The following GSR variants were observed in gnomAD, a reference collection of about 807,000 sequenced individuals.
GSR encodes glutathione-disulfide reductase, also known as glutathione reductase, mitochondrial.
A neutral mutation model predicts 56.5 loss-of-function variants in GSR; 48 were observed. The ratio of observed to expected loss-of-function variants is 0.85; its 90% CI spans 0.67 to 1.08. The LOEUF (loss-of-function observed/expected upper bound fraction) is 1.08, where lower values mean the gene tolerates loss of function less well. Among genes scored for constraint, GSR ranks in the 50% least tolerant of loss-of-function variants. The probability of loss-of-function intolerance (pLI) is 0.00; values close to 1 mark genes in which losing one functional copy is unlikely to be tolerated. For synonymous variants in GSR, 264 were observed against 270.8 expected (o/e 0.97, Z 0.25); for missense variants, 694 against 703.3 (o/e 0.99, Z 0.15).
At chr8:30,692,855 A>G (rs1803434300) in intron 8 of GSR, 114 bp downstream of exon 8, 1 of 757,904 alleles carries the variant, frequency 1.3e-6, no homozygotes, top group African/African-American at 1.7e-5. Flanking sequence ...TAGAGGTGGA[A>G]TATATGGACC....
At chr8:30,689,405 AT>A in intron 8 of GSR, 86 bp from the exon 9 acceptor site, 1 of 1,090,208 alleles carries the variant, frequency 9.2e-7, no homozygotes, top group Non-Finnish European at 1.4e-6. Context: ...GGAAACTAGA[AT>A]TTTTAACATT....
intron 4 of GSR, chr8:30,707,141 C>G (rs990800526): frequency 1.3e-5 from 2 of 152,160 alleles, no homozygotes; most frequent in Non-Finnish European, 2.9e-5. Flanking sequence ...AAAAAACAAA[C>G]AAACACACAA....
chr8:30,706,174 CAA>C (rs78497840), intron 4 of GSR, among the ~76,000 whole-genome samples: 22 of 103,998 alleles, frequency 2.1e-4, no homozygotes, highest in African/African-American at 2.5e-4. Context: ...AGACCCTTTT[CAA>C]AAAAAAAAAA....
At position 30,689,223 on chromosome 8, in the gene GSR, C is replaced by T; in HGVS notation, c.979G>A (p.Asp327Asn). Residue 327 changes from aspartate to asparagine, a missense_variant, in exon 9 of 13, where the codon GAC becomes AAC. By Grantham distance (23) the Asp-to-Asn change is conservative. Coordinates refer to ENST00000221130, the MANE Select transcript of GSR (RefSeq NM_000637.5). ...CGCCCAATGGCCCAGAGCAGGCAGTCAACATCTGGAATCATGGTCATGACT... is the reference window on the plus strand; with the variant it reads ...CGCCCAATGGCCCAGAGCAGGCAGTTAACATCTGGAATCATGGTCATGACT... Reference protein sequence around the residue: ...LPVMTMIPDVDCLLWAIGRVP... With the variant: ...LPVMTMIPDVNCLLWAIGRVP... The T allele has an allele frequency of 2.5e-6, 4 of 1,613,998 alleles. No individual in the cohort carries two copies. The highest frequency in any genetic ancestry group is 3.4e-6 in the Non-Finnish European group (4 of 1,179,902).
At chr8:30,714,202 CTTTTTTTTTTTTT>C (rs33969608) in intron 1 of GSR, among the ~76,000 whole-genome samples, 1 of 63,960 alleles carries the variant, frequency 1.6e-5, no homozygotes, top group Non-Finnish European at 2.7e-5. Flanking sequence ...GTTCTATATG[CTTTTTTTTTTTTT>C]TTTTTTTTTT....
In GSR at chr8:30,679,625, C is replaced by T; in HGVS notation, c.1464G>A (p.Leu488=). ...HMQGLGCDEM[L]QGFAVAVKMG... ...TCTTCACTGCAACAGCAAAACCCTGCAGCATTTCATCACACCCAAGTCCCT... is the reference window on the plus strand; with the variant it reads ...TCTTCACTGCAACAGCAAAACCCTGTAGCATTTCATCACACCCAAGTCCCT... The change falls in exon 13 of 13, where the codon CTG becomes CTA. Residue 488 remains leucine (L), a synonymous_variant. Coordinates refer to ENST00000221130, the MANE Select transcript of GSR (RefSeq NM_000637.5). 6.2e-7 allele frequency: 1 copy of T among 1,613,798 alleles called. No homozygotes were observed.
chr8:30,681,672 T>A (rs1478999638), intron 11 of GSR, among the ~76,000 whole-genome samples: 1 of 152,104 alleles, frequency 6.6e-6, no homozygotes, highest in East Asian at 1.9e-4. Flanking sequence ...TTTAGAGCTT[T>A]TCTTTAAATT....
rs769723357 is a variant in GSR at position 30,679,294 on chromosome 8, A to G, written c.*226T>C. On this transcript the variant is annotated 3_prime_UTR_variant, in exon 13 of 13. Coordinates refer to ENST00000221130, the MANE Select transcript of GSR (RefSeq NM_000637.5). ...CTGTTAATAAAAAAAAAACTTGAAA[A>G]TATTAATTACTGTGAGATGTGATCA... is the stretch of plus-strand genomic sequence containing the variant. 2.1e-5 allele frequency: 12 copies of G among 566,550 alleles called. No homozygotes were observed. The highest frequency in any genetic ancestry group is 3.4e-5 in the Non-Finnish European group (11 of 321,794). The allele number at this position is 566,550 out of a possible 1,614,324, so 35.1% of individuals were successfully genotyped here. A position where few individuals can be genotyped will look rare whatever the true frequency, so the allele number is the denominator to read the frequency against.
intron 11 of GSR, 29 bp from the exon 12 acceptor site, chr8:30,681,066 T>A (rs1376820759): frequency 1.9e-6 from 3 of 1,579,114 alleles, no homozygotes; most frequent in Non-Finnish European, 2.6e-6. Context: ...AAAGCATCTA[T>A]CAGAAAACTA....
intron 6 of GSR, 94 bp from the exon 7 acceptor site, chr8:30,696,573 T>C: frequency 1.2e-6 from 1 of 818,178 alleles, no homozygotes. Flanking sequence ...TACAGAGATT[T>C]CCCTTATTAT....
Position 30,678,140 on chromosome 8 carries a change from A to T in GSR, c.*1380T>A, listed in dbSNP as rs1352120508. ...GAAAAAAATAAAATGACAAGAACAC[A>T]TACAAATATTGAAATTATTCATTGA... On this transcript the variant is annotated 3_prime_UTR_variant, in exon 13 of 13. Transcript: ENST00000221130. 1.3e-5 allele frequency: 2 copies of T among 152,070 alleles called. No homozygotes were observed. Among genetic ancestry groups the T allele is most frequent in the Non-Finnish European group, 2.9e-5 (2 of 68,008 alleles). The allele number at this position is 152,070 out of a possible 1,614,324, so 9.4% of individuals were successfully genotyped here.
chr8:30,700,723 C>CAAAAAAAAAAAAAAAAAAAAAAA lies in GSR; in HGVS notation c.641-611_641-589dup, dbSNP rs55702917. Among the ~76,000 whole-genome samples, 6 of 80,044 alleles carry CAAAAAAAAAAAAAAAAAAAAAAA rather than the reference C, an allele frequency of 7.5e-5. 1 individual carries two copies. Among genetic ancestry groups the CAAAAAAAAAAAAAAAAAAAAAAA allele is most frequent in the African/African-American group, 1.8e-4 (4 of 22,164 alleles). The allele number at this position is 80,044 out of a possible 152,430, so 52.5% of individuals were successfully genotyped here. On this transcript the variant is annotated intron_variant, in intron 5 of 12. Coordinates refer to ENST00000221130, the MANE Select transcript of GSR (RefSeq NM_000637.5). ...TGGGAACAGAGCAAGATTTTGTCTC[C>CAAAAAAAAAAAAAAAAAAAAAAA]AAAAAAAAAAAAAAAAAAAAAAAAA...
intron 4 of GSR, among the ~76,000 whole-genome samples, chr8:30,704,077 C>T (rs1391143417): frequency 6.6e-6 from 1 of 151,934 alleles, no homozygotes; most frequent in East Asian, 1.9e-4. Flanking sequence ...GTAATTCCAG[C>T]ACTTTGGAAG....
chr8:30,727,802 C>A lies in GSR; in HGVS notation c.34G>T (p.Ala12Ser). ...ALLPRALSAG[A>S]GPSWRRAARA... is the part of the protein sequence containing the mutation. ...GCCGCCCGCCGCCAGCTCGGTCCCG[C>A]GCCGGCGCTCAGGGCTCGGGGCAGC... The change falls in exon 1 of 13, where the codon GCG becomes TCG. Residue 12 changes from alanine (A) to serine (S), a missense_variant. Physicochemically the swap from Ala to Ser is moderately conservative, Grantham distance 99. Transcript: ENST00000221130. The A allele has an allele frequency of 1.5e-6, 2 of 1,313,662 alleles. No individual in the cohort carries two copies. The highest frequency in any genetic ancestry group is 9.7e-7 in the Non-Finnish European group (1 of 1,033,182). 81.4% of individuals were successfully genotyped at this position (1,313,662 alleles called of 1,614,324 possible). A position where few individuals can be genotyped will look rare whatever the true frequency, so the allele number is the denominator to read the frequency against.
chr8:30,692,973 G>C lies in GSR; in HGVS notation c.878C>G (p.Ser293Cys), dbSNP rs762024253. Residue 293 changes from serine to cysteine, a missense_variant, in exon 8 of 13, where the codon TCC becomes TGC. Transcript: ENST00000221130. ...ENAGVEVLKF[S>C]QVKEVKKTLS... ...TGCCTGGGCTTGGCACTGTACCTGG[G>C]AGAACTTCAGCACCTCCACGCCAGC... 1.6e-5 allele frequency: 26 copies of C among 1,604,868 alleles called. No homozygotes were observed. In the African/African-American group the frequency reaches 2.9e-4, roughly 18 times the overall value.
intron 9 of GSR, 34 bp from the exon 10 acceptor site, chr8:30,684,233 G>T: frequency 8.5e-7 from 1 of 1,178,924 alleles, no homozygotes; most frequent in Non-Finnish European, 1.3e-6. Context: ...GTAACCACTT[G>T]GCCCACCTAC....
At position 30,696,497 on chromosome 8, in the gene GSR, G is replaced by A. The variant is rs772868107; in HGVS notation, c.696-18C>T. ...CGCTGCGGCTGAGACGCGAGCAGAG[G>A]GTTAGTATTCTTAAATAAACTAATT... On this transcript the variant is annotated intron_variant, in intron 6 of 12. Transcript: ENST00000221130. The A allele has an allele frequency of 1.3e-6, 2 of 1,521,888 alleles. No individual in the cohort carries two copies. Among genetic ancestry groups the A allele is most frequent in the South Asian group, 1.1e-5 (1 of 89,166 alleles). 94.3% of individuals were successfully genotyped at this position (1,521,888 alleles called of 1,614,324 possible). A position where few individuals can be genotyped will look rare whatever the true frequency, so the allele number is the denominator to read the frequency against.
intron 3 of GSR, among the ~76,000 whole-genome samples, chr8:30,708,831 T>C (rs2551706): frequency 0.91 from 138,358 of 151,744 alleles, 63,363 homozygotes; most frequent in Non-Finnish European, 0.96. Context: ...TGCTGGTGGG[T>C]GCCTGTAGTC....
At chr8:30,708,207 T>C in intron 3 of GSR, 66 bp from the exon 4 acceptor site, 1 of 1,147,460 alleles carries the variant, frequency 8.7e-7, no homozygotes, top group Non-Finnish European at 1.3e-6. Context: ...AACTAAGGCA[T>C]CTGTCCCTGA....
Sources: gnomAD v4.1 joint callset for allele counts (sites outside exome capture counted in the v4.1 genomes callset) on GRCh38, gnomAD v4.1.1 for gene constraint, MANE v1.5 for transcripts, NCBI Gene and HGNC (gene_info 2026-07-23, HGNC 2026-07-21) for gene names.